TTLL7: variants seen among roughly 807,000 people sequenced by gnomAD.
TTLL7 encodes tubulin polyglutamylase TTLL7.
TTLL7 carries 53 observed loss-of-function variants against 120.2 expected under a neutral mutation model. The observed-to-expected ratio is 0.44, with a 90% confidence interval of 0.35 to 0.55. TTLL7 has a LOEUF of 0.55. TTLL7 is among the 20% of genes least tolerant of loss of function. TTLL7 has a pLI of 0.00. For missense variants in TTLL7, 803 were observed against 1,054.7 expected (o/e 0.76, Z 3.31); for synonymous variants, 353 against 351.7 (o/e 1.00, Z -0.04).
Position 83,873,837 on chromosome 1 carries a change from C to T in TTLL7, c.2544-3755G>A, listed in dbSNP as rs571521813. ...ATAAGCTACACCCACCTTCCTTTTCCTCTTCCTGGAGTTAAGACCAGGACC... is the reference window on the plus strand; with the variant it reads ...ATAAGCTACACCCACCTTCCTTTTCTTCTTCCTGGAGTTAAGACCAGGACC... On this transcript the variant is annotated intron_variant, in intron 20 of 20. Coordinates refer to ENST00000260505, the MANE Select transcript of TTLL7 (RefSeq NM_024686.6). Among the ~76,000 whole-genome samples the T allele has an allele frequency of 1.1e-4, 16 of 152,186 alleles. No homozygotes were observed. The East Asian group carries it at 2.5e-3, about 24-fold the overall frequency.
At chr1:83,900,647 A>G (rs1328777651) in intron 18 of TTLL7, among the ~76,000 whole-genome samples, 1 of 151,992 alleles carries the variant, frequency 6.6e-6, no homozygotes, top group African/African-American at 2.4e-5. Context: ...AGCCCTTTCC[A>G]TGGAGATGCC....
intron 1 of TTLL7, among the ~76,000 whole-genome samples, chr1:83,983,367 G>A (rs910295045): frequency 8.5e-5 from 13 of 152,136 alleles, no homozygotes; most frequent in Middle Eastern, 3.4e-3. Context: ...ATAAGAAAAA[G>A]ACTGTCTATT....
intron 17 of TTLL7, among the ~76,000 whole-genome samples, chr1:83,904,686 T>C (rs1224080758): frequency 1.3e-5 from 2 of 152,088 alleles, no homozygotes; most frequent in Non-Finnish European, 2.9e-5. Flanking sequence ...TTCAGGCACA[T>C]AAGATTTGGC....
At position 83,911,420 on chromosome 1, in the gene TTLL7, A is replaced by T. The variant is rs1557618721; in HGVS notation, c.1588-57T>A. Reference sequence around the variant, plus strand: ...GAATTCTTAAAAAAGGTTTATTGATATGATTAGTTACTATTTTTAATTTCC... The same window carrying T: ...GAATTCTTAAAAAAGGTTTATTGATTTGATTAGTTACTATTTTTAATTTCC... On this transcript the variant is annotated intron_variant, in intron 14 of 20. Coordinates refer to ENST00000260505, the MANE Select transcript of TTLL7 (RefSeq NM_024686.6). The T allele has an allele frequency of 1.0e-5, 14 of 1,363,604 alleles. No homozygotes were observed. The East Asian group carries it at 3.1e-4, about 30-fold the overall frequency. 84.5% of individuals were successfully genotyped at this position (1,363,604 alleles called of 1,614,324 possible). A position where few individuals can be genotyped will look rare whatever the true frequency, so the allele number is the denominator to read the frequency against.
rs1224264689 is a variant in TTLL7, at chr1:83,866,753, T to A, written c.*3209A>T. The stretch of plus-strand genomic sequence containing the variant: ...AAATGCAATGCTACTAAAATAAAAA[T>A]TTGTTGCTAGTAAAATTAATCAAAA... On this transcript the variant is annotated 3_prime_UTR_variant, in exon 21 of 21. Coordinates refer to ENST00000260505, the MANE Select transcript of TTLL7 (RefSeq NM_024686.6). 1.3e-5 allele frequency: 2 copies of A among 151,934 alleles called. No individual in the cohort carries two copies. Among genetic ancestry groups the A allele is most frequent in the African/African-American group, 4.8e-5 (2 of 41,430 alleles). 9.4% of individuals were successfully genotyped at this position (151,934 alleles called of 1,614,324 possible).
intron 4 of TTLL7, 157 bp from the exon 5 acceptor site, chr1:83,948,852 G>A: frequency 3.9e-6 from 2 of 514,446 alleles, no homozygotes; most frequent in South Asian, 7.8e-5. Context: ...CAGTGAATTT[G>A]TAGAATTAAA....
intron 7 of TTLL7, among the ~76,000 whole-genome samples, chr1:83,939,069 A>T (rs532334878): frequency 6.6e-6 from 1 of 152,306 alleles, no homozygotes; most frequent in South Asian, 2.1e-4. Context: ...TCATTCATTA[A>T]ACAATATTTA....
At position 83,982,021 on chromosome 1, in the gene TTLL7, A is replaced by G. The variant is rs371169587; in HGVS notation, c.-177+16910T>C. ...AAGTGCCCATACAGCACTCACCAAG[A>G]TGCACCATATCACAGCTCATAAAAC... On this transcript the variant is annotated intron_variant, in intron 1 of 20. Coordinates refer to ENST00000260505, the MANE Select transcript of TTLL7 (RefSeq NM_024686.6). Among the ~76,000 whole-genome samples, 66 of 152,308 alleles carry G rather than the reference A, an allele frequency of 4.3e-4. 1 individual carries two copies. In the South Asian group the frequency reaches 0.013, roughly 30 times the overall value.
intron 1 of TTLL7, among the ~76,000 whole-genome samples, chr1:83,975,206 T>C (rs75832572): frequency 0.036 from 5,426 of 152,234 alleles, 117 homozygotes; most frequent in Middle Eastern, 0.082. Flanking sequence ...CATTTCAATA[T>C]AGACTGCACA....
intron 15 of TTLL7, among the ~76,000 whole-genome samples, chr1:83,908,764 C>A (rs745936329): frequency 3.3e-5 from 5 of 151,794 alleles, no homozygotes; most frequent in Non-Finnish European, 7.4e-5. Context: ...GTAAAATTCA[C>A]ATGAAGCCAG....
intron 15 of TTLL7, among the ~76,000 whole-genome samples, chr1:83,910,083 T>A (rs538676707): frequency 5.3e-5 from 8 of 152,202 alleles, no homozygotes; most frequent in Non-Finnish European, 1.2e-4. Flanking sequence ...TCCAAAGACA[T>A]AAACCCTGGA....
At chr1:83,950,215 C>A (rs1648913946) in intron 3 of TTLL7, among the ~76,000 whole-genome samples, 1 of 152,106 alleles carries the variant, frequency 6.6e-6, no homozygotes, top group Non-Finnish European at 1.5e-5. Context: ...TTTCGATCTT[C>A]TCAGGTTTAA....
intron 1 of TTLL7, among the ~76,000 whole-genome samples, chr1:83,989,849 G>A (rs1652818781): frequency 6.6e-6 from 1 of 152,136 alleles, no homozygotes; most frequent in African/African-American, 2.4e-5. Context: ...TTTCAGCAGT[G>A]TCTTGTAGCT....
intron 10 of TTLL7, among the ~76,000 whole-genome samples, chr1:83,921,699 T>C (rs1446286427): frequency 6.6e-6 from 1 of 152,110 alleles, no homozygotes; most frequent in Non-Finnish European, 1.5e-5. Flanking sequence ...CTTGGGCTGG[T>C]CAATTAACTG....
chr1:83,961,899 C>A (rs1282477295), intron 1 of TTLL7, among the ~76,000 whole-genome samples: 1 of 152,098 alleles, frequency 6.6e-6, no homozygotes. Flanking sequence ...AAGAACTATA[C>A]CAAACCTAAG....
intron 7 of TTLL7, among the ~76,000 whole-genome samples, chr1:83,938,939 G>C (rs772433133): frequency 5.3e-5 from 8 of 151,860 alleles, no homozygotes; most frequent in Non-Finnish European, 1.0e-4. Context: ...TTTTATTTTT[G>C]CTGCAGTTCC....
At chr1:83,909,807 C>G (rs1375324755) in intron 15 of TTLL7, among the ~76,000 whole-genome samples, 1 of 152,020 alleles carries the variant, frequency 6.6e-6, no homozygotes, top group African/African-American at 2.4e-5. Flanking sequence ...CCCATCAGTT[C>G]ATGCCATTAG....
At chr1:83,926,092 G>T (rs1011695264) in intron 10 of TTLL7, among the ~76,000 whole-genome samples, 5 of 141,318 alleles carry the variant, frequency 3.5e-5, no homozygotes, top group Middle Eastern at 3.5e-3. Context: ...CTGCACTCCA[G>T]TCTCTTTTGG....
At chr1:83,943,960 A>C (rs528224792) in intron 6 of TTLL7, among the ~76,000 whole-genome samples, 7 of 152,282 alleles carry the variant, frequency 4.6e-5, no homozygotes, top group Admixed American at 4.6e-4. Context: ...AATTGGGAAA[A>C]AATAAAGGAA....
Sources: allele counts gnomAD v4.1 joint callset (sites outside exome capture counted in the v4.1 genomes callset), GRCh38; gene constraint gnomAD v4.1.1; transcripts MANE v1.5; gene names NCBI Gene and HGNC (gene_info 2026-07-23, HGNC 2026-07-21).